The following RALGAPA2 variants were observed in gnomAD, a reference collection of about 807,000 sequenced individuals.
The protein encoded by RALGAPA2 is Ral GTPase activating protein catalytic subunit alpha 2.
Under a neutral mutation model 230.4 loss-of-function variants are expected in RALGAPA2, and 139 were observed. The observed-to-expected ratio is 0.60, with a 90% CI of 0.53 to 0.69. The LOEUF is 0.69. Among genes scored for constraint, RALGAPA2 ranks in the 30% least tolerant of loss-of-function variants. RALGAPA2 has a pLI of 0.00. For synonymous variants in RALGAPA2, 847 were observed against 837.8 expected, an observed-to-expected ratio of 1.01 and a Z score of -0.19; for missense variants, 2,163 against 2,276.0, an observed-to-expected ratio of 0.95 and a Z score of 1.01.
At chr20:20,439,358 G>A (rs1012702981) in intron 37 of RALGAPA2, among the ~76,000 whole-genome samples, 1 of 151,912 alleles carries the variant, frequency 6.6e-6, no homozygotes. Context: ...GACTACAGGC[G>A]CACACCACCA....
At chr20:20,420,194 A>G (rs1418941063) in intron 37 of RALGAPA2, among the ~76,000 whole-genome samples, 1 of 152,136 alleles carries the variant, frequency 6.6e-6, no homozygotes, top group Non-Finnish European at 1.5e-5. Context: ...ATGGGGTAGT[A>G]AGAGGGTGGC....
chr20:20,634,632 G>C (rs1458681146), intron 9 of RALGAPA2, among the ~76,000 whole-genome samples: 1 of 152,198 alleles, frequency 6.6e-6, no homozygotes, highest in Non-Finnish European at 1.5e-5. Context: ...CTAGGTCGGA[G>C]TTCTGAGACT....
chr20:20,674,217 G>A (rs1433745990), intron 3 of RALGAPA2, among the ~76,000 whole-genome samples: 3 of 131,508 alleles, frequency 2.3e-5, no homozygotes, highest in Non-Finnish European at 3.4e-5. Flanking sequence ...AATAATAATA[G>A]TAATAGTAAT....
intron 1 of RALGAPA2, among the ~76,000 whole-genome samples, chr20:20,689,994 C>A (rs555434241): frequency 1.3e-5 from 2 of 152,060 alleles, no homozygotes; most frequent in East Asian, 1.9e-4. Flanking sequence ...TCCACTACCC[C>A]CCTCATCTCT....
chr20:20,626,247 T>C (rs1166355571), intron 10 of RALGAPA2, among the ~76,000 whole-genome samples: 3 of 152,248 alleles, frequency 2.0e-5, no homozygotes, highest in African/African-American at 4.8e-5. Flanking sequence ...AAATTCATCA[T>C]TGACCAACAG....
intron 23 of RALGAPA2, among the ~76,000 whole-genome samples, chr20:20,563,541 T>G (rs2064320119): frequency 6.6e-6 from 1 of 152,196 alleles, no homozygotes; most frequent in African/African-American, 2.4e-5. Flanking sequence ...CAGGCAAGAA[T>G]TCTTTGGGGA....
At chr20:20,653,944 A>G (rs2067496198) in intron 3 of RALGAPA2, among the ~76,000 whole-genome samples, 1 of 152,186 alleles carries the variant, frequency 6.6e-6, no homozygotes, top group Non-Finnish European at 1.5e-5. Flanking sequence ...CTTTTTCACC[A>G]TCTCCTTCCC....
intron 37 of RALGAPA2, among the ~76,000 whole-genome samples, chr20:20,454,736 C>CACAGCCATTCAAAGACGGTAGTG (rs2061069805): frequency 6.6e-6 from 1 of 152,210 alleles, no homozygotes; most frequent in Non-Finnish European, 1.5e-5. Flanking sequence ...CTCACTTGGT[C>CACAGCCATTCAAAGACGGTAGTG]ACAGCCATTC....
intron 38 of RALGAPA2, among the ~76,000 whole-genome samples, chr20:20,403,916 C>G (rs901954794): frequency 6.6e-6 from 1 of 152,188 alleles, no homozygotes; most frequent in Admixed American, 6.5e-5. Flanking sequence ...CAGGCAATCT[C>G]ACAGATCACA....
At chr20:20,652,372 A>G (rs926854691) in intron 4 of RALGAPA2, among the ~76,000 whole-genome samples, 1 of 152,160 alleles carries the variant, frequency 6.6e-6, no homozygotes, top group Non-Finnish European at 1.5e-5. Flanking sequence ...CTCTGAACAG[A>G]ATTATTCAAC....
chr20:20,512,399 C>A, intron 32 of RALGAPA2, 114 bp downstream of exon 32: 1 of 1,093,908 alleles, frequency 9.1e-7, no homozygotes, highest in Non-Finnish European at 1.3e-6. Flanking sequence ...AAAGAAAAAT[C>A]TCCCTTCTCC....
At chr20:20,621,685 A>G (rs186622402) in intron 10 of RALGAPA2, among the ~76,000 whole-genome samples, 2 of 152,318 alleles carry the variant, frequency 1.3e-5, no homozygotes, top group East Asian at 3.9e-4. Flanking sequence ...ATACATCTCC[A>G]TACAACAATT....
At chr20:20,526,463 A>G (rs1159432275) in intron 27 of RALGAPA2, 101 bp from the exon 28 acceptor site, 2 of 757,836 alleles carry the variant, frequency 2.6e-6, no homozygotes, top group Non-Finnish European at 4.2e-6. Flanking sequence ...TATAGATTAC[A>G]TTTATCTGTT....
In RALGAPA2 at chr20:20,506,848, T is replaced by C. The variant is rs558256752; in HGVS notation, c.4929-1314A>G. ...TAACTGATTCTCAATTAAAAAGTCA[T>C]ACAAATAACTGGAGGAAGAGAGTTC... On this transcript the variant is annotated intron_variant, in intron 33 of 39. Transcript: ENST00000202677. Among the ~76,000 whole-genome samples, 6 of 152,310 alleles carry C rather than the reference T, an allele frequency of 3.9e-5. No individual in the cohort carries two copies. The South Asian group carries it at 8.3e-4, about 21-fold the overall frequency.
At chr20:20,454,114 G>A (rs575016769) in intron 37 of RALGAPA2, among the ~76,000 whole-genome samples, 1 of 152,272 alleles carries the variant, frequency 6.6e-6, no homozygotes, top group African/African-American at 2.4e-5. Context: ...CTCAACTTAA[G>A]GGGTTCTCCG....
intron 31 of RALGAPA2, among the ~76,000 whole-genome samples, chr20:20,513,670 T>G (rs531042760): frequency 6.6e-6 from 1 of 152,140 alleles, no homozygotes; most frequent in East Asian, 1.9e-4. Flanking sequence ...AGAATGATGT[T>G]TCTCTCAAGC....
At chr20:20,457,161 G>T (rs1369727514) in intron 37 of RALGAPA2, among the ~76,000 whole-genome samples, 1 of 152,168 alleles carries the variant, frequency 6.6e-6, no homozygotes, top group Non-Finnish European at 1.5e-5. Context: ...CCTAGGTCAG[G>T]TTCAATGTAT....
At chr20:20,410,407 A>G (rs2060036126) in intron 38 of RALGAPA2, among the ~76,000 whole-genome samples, 1 of 152,232 alleles carries the variant, frequency 6.6e-6, no homozygotes, top group Non-Finnish European at 1.5e-5. Context: ...TTTAAGAAGT[A>G]AAAAGCTTTC....
At chr20:20,647,697 T>C (rs1346746790) in intron 4 of RALGAPA2, among the ~76,000 whole-genome samples, 2 of 151,982 alleles carry the variant, frequency 1.3e-5, no homozygotes, top group Admixed American at 1.3e-4. Context: ...GGGGAGAAAA[T>C]ATTTCCAAGG....
Sources: gnomAD v4.1 joint callset for allele counts (sites outside exome capture counted in the v4.1 genomes callset) on GRCh38, gnomAD v4.1.1 for gene constraint, MANE v1.5 for transcripts, NCBI Gene and HGNC (gene_info 2026-07-23, HGNC 2026-07-21) for gene names.